Variants in PRSS58 observed in about 807,000 individuals in gnomAD.
PRSS58 encodes the protein serine protease 58, also known as protease, serine 58.
In PRSS58, 31 loss-of-function variants were observed where a neutral mutation model predicts 25.0. The observed-to-expected ratio is 1.24, with a 90% CI of 0.93 to 1.67. The LOEUF (loss-of-function observed/expected upper bound fraction) is 1.67. Ranked by LOEUF, PRSS58 falls within the 40% of genes most tolerant of loss-of-function variation. The pLI, the probability that PRSS58 is intolerant of heterozygous loss-of-function variation, is 0.00. For missense variants in PRSS58, 324 were observed against 287.9 expected (o/e 1.13, Z -0.91); for synonymous variants, 119 against 106.1 (o/e 1.12, Z -0.75).
At chr7:142,254,999 C>T (rs779426619) in intron 4 of PRSS58, 56 bp downstream of exon 4, 32 of 1,556,022 alleles carry the variant, frequency 2.1e-5, no homozygotes, top group East Asian at 1.4e-4. Context: ...AGCCAAGAGT[C>T]GCGAAGGTGT....
In PRSS58 at chr7:142,256,951, G is replaced by T. The variant is rs185998397; in HGVS notation, c.40+717C>A. On this transcript the variant is annotated intron_variant, in intron 2 of 5. Coordinates refer to ENST00000547058, the MANE Select transcript of PRSS58 (RefSeq NM_001001317.5). The stretch of plus-strand genomic sequence containing the variant: ...CCATGGCTGCTGACCCAGAGTGAAT[G>T]AAGGGGAGCAGAGGAGGAAAGGGGC... Among the ~76,000 whole-genome samples the T allele has an allele frequency of 1.1e-3, 172 of 152,296 alleles. 1 individual carries two copies. The highest frequency in any genetic ancestry group is 3.9e-3 in the African/African-American group (161 of 41,570).
chr7:142,255,887 G>A (rs1412058323), intron 2 of PRSS58, among the ~76,000 whole-genome samples: 1 of 152,132 alleles, frequency 6.6e-6, no homozygotes. Context: ...CTTTTTCACT[G>A]TCAATAAAAT....
rs1239891981 is a variant in PRSS58 at position 142,255,608 on chromosome 7, A to G, written c.106T>C (p.Ser36Pro). Residue 36 changes from serine to proline, a missense_variant, in exon 3 of 6, where the codon TCT becomes CCT. Coordinates refer to ENST00000547058, the MANE Select transcript of PRSS58 (RefSeq NM_001001317.5). ...ACTCCAGCGCAGGGCAAGTAGTCAGATTTCAAATAGACCAAGTAAGGGGGA... is the reference window on the plus strand; with the variant it reads ...ACTCCAGCGCAGGGCAAGTAGTCAGGTTTCAAATAGACCAAGTAAGGGGGA... ...STPPYLVYLK[S>P]DYLPCAGVLI... 1 of 1,614,122 alleles carries G rather than the reference A, an allele frequency of 6.2e-7. No homozygotes were observed. The highest frequency in any genetic ancestry group is 1.7e-5 in the Admixed American group (1 of 60,008).
At position 142,254,184 on chromosome 7, in the gene PRSS58, C is replaced by A. The variant is rs548702270; in HGVS notation, c.436+871G>T. Among the ~76,000 whole-genome samples, 3 of 152,242 alleles carry A rather than the reference C, an allele frequency of 2.0e-5. No individual in the cohort carries two copies. The East Asian group carries it at 5.8e-4, about 29-fold the overall frequency. The stretch of plus-strand genomic sequence containing the variant: ...GTAAAGTTGCATTAATAATTCTTCA[C>A]AAGGGATTATATATCATTGTTCTAT... On this transcript the variant is annotated intron_variant, in intron 4 of 5. Transcript: ENST00000547058.
Position 142,252,297 on chromosome 7 carries a change from A to C in PRSS58, c.650T>G (p.Leu217Trp), listed in dbSNP as rs559607569. The change falls in exon 6 of 6, where the codon TTG becomes TGG. Residue 217 changes from leucine to tryptophan, a missense_variant. Coordinates refer to ENST00000547058, the MANE Select transcript of PRSS58 (RefSeq NM_001001317.5). ...GGCATAGATGCCAACATCAGCTCTCAAAACACATCCATCCGCAAAAGACAG... is the reference window on the plus strand; with the variant it reads ...GGCATAGATGCCAACATCAGCTCTCCAAACACATCCATCCGCAAAAGACAG... The part of the protein sequence containing the change: ...GILSFADGCV[L>W]RADVGIYAKI... The C allele has an allele frequency of 6.2e-7, 1 of 1,614,172 alleles. No homozygotes were observed. The highest frequency in any genetic ancestry group is 1.1e-5 in the South Asian group (1 of 91,082).
chr7:142,255,396 C>T (rs1798538441), intron 3 of PRSS58, 85 bp from the exon 4 acceptor site: 1 of 1,574,842 alleles, frequency 6.3e-7, no homozygotes, highest in Non-Finnish European at 8.7e-7. Context: ...TCCCCACAGA[C>T]CTTTTTCTGT....
At chr7:142,254,294 T>C (rs991631647) in intron 4 of PRSS58, among the ~76,000 whole-genome samples, 4 of 152,224 alleles carry the variant, frequency 2.6e-5, no homozygotes, top group Non-Finnish European at 4.4e-5. Context: ...AGGGTTTGCA[T>C]AGAAATTTGG....
chr7:142,253,273 C>G (rs1237506803), intron 4 of PRSS58, among the ~76,000 whole-genome samples: 1 of 152,222 alleles, frequency 6.6e-6, no homozygotes, highest in African/African-American at 2.4e-5. Context: ...TTACAGATAT[C>G]TGGCCTACTT....
intron 3 of PRSS58, 96 bp downstream of exon 3, chr7:142,255,439 C>T: frequency 6.3e-7 from 1 of 1,593,048 alleles, no homozygotes; most frequent in Non-Finnish European, 8.6e-7. Flanking sequence ...CTTTTCTAAT[C>T]CCATTTAATT....
intron 2 of PRSS58, among the ~76,000 whole-genome samples, chr7:142,256,625 A>T (rs1440429222): frequency 1.3e-5 from 2 of 151,950 alleles, no homozygotes; most frequent in Non-Finnish European, 2.9e-5. Flanking sequence ...TAATTTTTAA[A>T]TTTTTTAATT....
chr7:142,257,614 C>T (rs541543612), intron 2 of PRSS58, 54 bp downstream of exon 2: 2 of 1,494,580 alleles, frequency 1.3e-6, no homozygotes, highest in Non-Finnish European at 1.9e-6. Flanking sequence ...GTCTTTCATG[C>T]TTTTCCCAGG....
intron 1 of PRSS58, 37 bp from the exon 2 acceptor site, chr7:142,257,785 A>C: frequency 8.5e-7 from 1 of 1,178,692 alleles, no homozygotes; most frequent in Non-Finnish European, 1.3e-6. Context: ...AATAAAACAA[A>C]GCAAGATTGT....
chr7:142,256,836 T>C (rs1015343914), intron 2 of PRSS58, among the ~76,000 whole-genome samples: 3 of 152,116 alleles, frequency 2.0e-5, no homozygotes, highest in Admixed American at 6.6e-5. Context: ...CGGGGGAAGT[T>C]GCTAGTCAAA....
At chr7:142,252,414 CTT>C in intron 5 of PRSS58, 44 bp from the exon 6 acceptor site, 2 of 1,611,064 alleles carry the variant, frequency 1.2e-6, no homozygotes, top group Non-Finnish European at 8.5e-7. Context: ...AGCAGATTAT[CTT>C]TCTGGCAAGA....
chr7:142,257,635 G>A, intron 2 of PRSS58, 33 bp downstream of exon 2: 1 of 1,570,626 alleles, frequency 6.4e-7, no homozygotes, highest in Non-Finnish European at 8.8e-7. Flanking sequence ...ATTTCTCTTT[G>A]GTGGGTAAAG....
chr7:142,252,422 C>T (rs779368969), intron 5 of PRSS58, 50 bp downstream of exon 5: 1 of 1,610,742 alleles, frequency 6.2e-7, no homozygotes, highest in South Asian at 1.1e-5. Flanking sequence ...ATCTTTCTGG[C>T]AAGACAGAAG....
In PRSS58 at chr7:142,255,624, G is replaced by A. The variant is rs763692578; in HGVS notation, c.90C>T (p.Tyr30=). 43 of 1,613,882 alleles carry A rather than the reference G, an allele frequency of 2.7e-5. No individual in the cohort carries two copies. The highest frequency in any genetic ancestry group is 3.4e-5 in the Non-Finnish European group (40 of 1,179,912). The change falls in exon 3 of 6, where the codon TAC becomes TAT. Residue 30 remains tyrosine (Y), a synonymous_variant. Transcript: ENST00000547058. ...PDYTVSSTPP[Y]LVYLKSDYLP... ...AGTAGTCAGATTTCAAATAGACCAA[G>A]TAAGGGGGAGTGGAGCTGACTGTGT...
Position 142,252,208 on chromosome 7 carries a change from C to A in PRSS58, c.*13G>T. The A allele has an allele frequency of 6.2e-7, 1 of 1,606,180 alleles. No individual in the cohort carries two copies. Among genetic ancestry groups the A allele is most frequent in the South Asian group, 1.1e-5 (1 of 89,380 alleles). ...GGGACAAGCTGTGTCATATGGTCCACAACTGCCACAGCTCAGTTATTTTGG... is the reference window on the plus strand; with the variant it reads ...GGGACAAGCTGTGTCATATGGTCCAAAACTGCCACAGCTCAGTTATTTTGG... On this transcript the variant is annotated 3_prime_UTR_variant, in exon 6 of 6. Transcript: ENST00000547058.
chr7:142,255,968 AT>A (rs1207536855), intron 2 of PRSS58, among the ~76,000 whole-genome samples: 3 of 152,178 alleles, frequency 2.0e-5, no homozygotes, highest in Non-Finnish European at 4.4e-5. Flanking sequence ...AAATCAACGA[AT>A]TTTTTTCACT....
Sources: allele counts gnomAD v4.1 joint callset (sites outside exome capture counted in the v4.1 genomes callset), GRCh38; gene constraint gnomAD v4.1.1; transcripts MANE v1.5; gene names NCBI Gene and HGNC (gene_info 2026-07-23, HGNC 2026-07-21).